Variants in PAM observed in about 807,000 individuals in gnomAD.
PAM encodes peptidyl-glycine alpha-amidating monooxygenase.
A neutral mutation model predicts 122.1 loss-of-function variants in PAM; 72 were observed. The observed-to-expected ratio is 0.59, with a 90% CI of 0.49 to 0.72. PAM has a LOEUF of 0.72. PAM is among the 30% of genes least tolerant of loss of function. The probability of loss-of-function intolerance (pLI) is 0.00; values close to 1 mark genes in which losing one functional copy is unlikely to be tolerated. For missense variants in PAM, 1,106 were observed against 1,183.7 expected (o/e 0.93, Z 0.96); for synonymous variants, 389 against 404.4 (o/e 0.96, Z 0.46).
At chr5:102,922,969 G>A (rs1022393046) in intron 5 of PAM, among the ~76,000 whole-genome samples, 3 of 152,124 alleles carry the variant, frequency 2.0e-5, no homozygotes. Flanking sequence ...TTCTTCCAAC[G>A]TACAATTCTC....
chr5:102,965,599 A>G (rs1402897005), intron 14 of PAM, among the ~76,000 whole-genome samples: 1 of 152,036 alleles, frequency 6.6e-6, no homozygotes, highest in Non-Finnish European at 1.5e-5. Context: ...GGCTGCAGAA[A>G]CAGCCTTTAA....
intron 1 of PAM, among the ~76,000 whole-genome samples, chr5:102,780,837 C>CTT (rs1758736542): frequency 8.1e-6 from 1 of 123,292 alleles, no homozygotes; most frequent in African/African-American, 3.1e-5. Context: ...CTTTCTTTCT[C>CTT]TGTCTTTCTC....
Position 103,017,430 on chromosome 5 carries a change from G to A in PAM, c.2428G>A (p.Glu810Lys). 6.4e-7 allele frequency: 1 copy of A among 1,568,930 alleles called. No individual in the cohort carries two copies. Among genetic ancestry groups the A allele is most frequent in the Non-Finnish European group, 8.8e-7 (1 of 1,138,972 alleles). ...CACCGTGTGGAAGTTCACCTTGACT[G>A]AGAGTATGGTTTTCACAGTATTATT... ...TNTVWKFTLT[E>K]KLEHRSVKKA... The change falls in exon 22 of 26, where the codon GAG (glutamate) becomes AAG (lysine). Residue 810 changes from glutamate to lysine, a missense_variant. Around this residue, in one of 3 missense-constraint regions of PAM, gnomAD observed 333 missense variants for 335.6 expected, o/e 0.99. Coordinates refer to ENST00000438793, the MANE Select transcript of PAM (RefSeq NM_001177306.2).
At position 102,899,346 on chromosome 5, in the gene PAM, T is replaced by C. The variant is rs6870357; in HGVS notation, c.211-2010T>C. Among the ~76,000 whole-genome samples the C allele has an allele frequency of 4.5e-3, 678 of 151,678 alleles. 5 individuals carry two copies. The highest frequency in any genetic ancestry group is 0.015 in the African/African-American group (621 of 41,462). ...TTATATGTGACCATCATTGACTTAATTTTTTAAATCAAGAACCAACTTGCT... is the reference window on the plus strand; with the variant it reads ...TTATATGTGACCATCATTGACTTAACTTTTTAAATCAAGAACCAACTTGCT... On this transcript the variant is annotated intron_variant, in intron 3 of 25. Coordinates refer to ENST00000438793, the MANE Select transcript of PAM (RefSeq NM_001177306.2).
intron 1 of PAM, among the ~76,000 whole-genome samples, chr5:102,802,369 T>C (rs1005006791): frequency 6.6e-6 from 1 of 152,170 alleles, no homozygotes; most frequent in African/African-American, 2.4e-5. Flanking sequence ...AGAGCTAGTA[T>C]AAAGATGTAG....
chr5:102,910,830 T>C (rs1185779750), intron 4 of PAM, among the ~76,000 whole-genome samples: 1 of 151,922 alleles, frequency 6.6e-6, no homozygotes, highest in South Asian at 2.1e-4. Context: ...GACATTTCTT[T>C]TTAAGATGTT....
intron 3 of PAM, among the ~76,000 whole-genome samples, chr5:102,881,129 T>TACACACACACACACACACACACATACAC (rs1554098698): frequency 2.6e-4 from 38 of 145,802 alleles, no homozygotes; most frequent in African/African-American, 9.9e-4. Context: ...TTTTTATACA[T>TACACACACACACACACACACACATACAC]ACACACACAC....
chr5:102,784,544 C>T (rs1581034209), intron 1 of PAM, among the ~76,000 whole-genome samples: 1 of 152,322 alleles, frequency 6.6e-6, no homozygotes, highest in South Asian at 2.1e-4. Context: ...TTGTGCTGTT[C>T]ACTTTCTGAG....
chr5:102,845,592 C>T (rs528891348), intron 1 of PAM, among the ~76,000 whole-genome samples: 7 of 152,090 alleles, frequency 4.6e-5, no homozygotes, highest in South Asian at 2.1e-4. Context: ...TTTGGGGATT[C>T]GATTTGTCCT....
rs1290808604 is a variant in PAM at position 102,926,629 on chromosome 5, G to A, written c.487G>A (p.Val163Ile). 1.0e-5 allele frequency: 16 copies of A among 1,598,928 alleles called. No homozygotes were observed. Among genetic ancestry groups the A allele is most frequent in the Non-Finnish European group, 1.3e-5 (15 of 1,166,522 alleles). Residue 163 changes from valine (V) to isoleucine (I), a missense_variant, in exon 7 of 26, where the codon GTA becomes ATA. By Grantham distance (29) the Val-to-Ile change is conservative (BLOSUM62 3). This residue lies in a region of PAM where 670 missense variants were observed against 690.3 expected (regional missense o/e 0.97). Transcript: ENST00000438793. ...AGGAGAGACTGGAAGTAAATACTTT[G>A]TACTACAGGTACACTATGGGGATAT... ...VGGETGSKYF[V>I]LQVHYGDISA... is the part of the protein sequence containing the mutation.
At chr5:103,015,710 T>C (rs968825638) in intron 21 of PAM, among the ~76,000 whole-genome samples, 2 of 152,148 alleles carry the variant, frequency 1.3e-5, no homozygotes, top group African/African-American at 4.8e-5. Context: ...CCCAAAGTAC[T>C]GTATTTCTAG....
chr5:102,838,817 A>C (rs1234636938), intron 1 of PAM, among the ~76,000 whole-genome samples: 1 of 152,162 alleles, frequency 6.6e-6, no homozygotes, highest in Non-Finnish European at 1.5e-5. Flanking sequence ...ATTAAGATGG[A>C]AGAGTTTCTG....
intron 5 of PAM, among the ~76,000 whole-genome samples, chr5:102,916,516 A>C (rs927746703): frequency 6.6e-6 from 1 of 151,668 alleles, no homozygotes; most frequent in Non-Finnish European, 1.5e-5. Flanking sequence ...AACCAAGCCC[A>C]ACACGTTTAA....
intron 14 of PAM, among the ~76,000 whole-genome samples, chr5:102,966,491 T>C (rs1177425128): frequency 3.3e-5 from 5 of 152,142 alleles, no homozygotes; most frequent in Non-Finnish European, 7.4e-5. Context: ...AATAATAAAG[T>C]TCACTTCATT....
chr5:103,025,293 T>G lies in PAM; in HGVS notation c.2648T>G (p.Ile883Ser). 6.2e-7 allele frequency: 1 copy of G among 1,613,648 alleles called. No homozygotes were observed. The highest frequency in any genetic ancestry group is 8.5e-7 in the Non-Finnish European group (1 of 1,179,688). The change falls in exon 24 of 26, where the codon ATT (isoleucine) becomes AGT (serine). Residue 883 changes from isoleucine (I) to serine (S), a missense_variant. Physicochemically the swap from Ile to Ser is moderately radical, Grantham distance 142. Transcript: ENST00000438793. ...LVIPVVVLLA[I>S]AIFIRWKKSR... ...ATTCCGGTGGTTGTCCTGCTGGCCA[T>G]TGCCATATTTATTCGGTGGAAAAAA...
chr5:102,949,262 G>C (rs534635752), intron 9 of PAM, among the ~76,000 whole-genome samples: 1 of 152,108 alleles, frequency 6.6e-6, no homozygotes, highest in East Asian at 1.9e-4. Flanking sequence ...TCAAGCTAAA[G>C]GTAACAAATT....
intron 15 of PAM, among the ~76,000 whole-genome samples, chr5:102,979,439 G>A (rs1013085702): frequency 5.9e-5 from 9 of 152,116 alleles, no homozygotes; most frequent in Middle Eastern, 3.4e-3. Context: ...AACAATCCCT[G>A]ACCAAAATAA....
chr5:102,965,546 A>G (rs1400974973), intron 14 of PAM, among the ~76,000 whole-genome samples: 1 of 151,926 alleles, frequency 6.6e-6, no homozygotes, highest in Non-Finnish European at 1.5e-5. Flanking sequence ...TAATAACAGT[A>G]TGTCCTTGTT....
intron 3 of PAM, among the ~76,000 whole-genome samples, chr5:102,898,223 C>T (rs1188474909): frequency 6.6e-6 from 1 of 151,542 alleles, no homozygotes; most frequent in African/African-American, 2.4e-5. Context: ...CACTGGGCAC[C>T]ATGGCTATGT....
Sources: gnomAD v4.1 joint callset for allele counts (sites outside exome capture counted in the v4.1 genomes callset) on GRCh38, gnomAD v4.1.1 for gene constraint, gnomAD v4.1.1 regional missense constraint, MANE v1.5 for transcripts, NCBI Gene and HGNC (gene_info 2026-07-23, HGNC 2026-07-21) for gene names.